The following CUBN variants were observed in gnomAD, a reference collection of about 807,000 sequenced individuals.
The protein encoded by CUBN is cubilin, also known as 460 kDa receptor.
CUBN carries 282 observed loss-of-function variants against 405.3 expected under a neutral mutation model. The observed-to-expected ratio is 0.70, with a 90% CI of 0.63 to 0.77. The LOEUF is 0.77. Ranked by LOEUF, CUBN falls within the 30% of genes least tolerant of loss-of-function variation. The pLI is 0.00. For synonymous variants in CUBN, 1,684 were observed against 1,617.0 expected, an observed-to-expected ratio of 1.04 and a Z score of -0.99; for missense variants, 4,514 against 4,475.2, an observed-to-expected ratio of 1.01 and a Z score of -0.25.
At chr10:16,967,933 G>C (rs1843447279) in intron 31 of CUBN, among the ~76,000 whole-genome samples, 1 of 149,486 alleles carries the variant, frequency 6.7e-6, no homozygotes, top group African/African-American at 2.5e-5. Context: ...GAGGGAGAGA[G>C]AGCAAGAGGA....
intron 24 of CUBN, 60 bp from the exon 25 acceptor site, chr10:17,045,248 T>C: frequency 6.6e-7 from 1 of 1,519,454 alleles, no homozygotes; most frequent in Non-Finnish European, 9.1e-7. Context: ...ATTGAATCTT[T>C]TTGTCTGCAT....
chr10:16,849,960 G>T (rs925850665), intron 60 of CUBN, among the ~76,000 whole-genome samples: 2 of 152,156 alleles, frequency 1.3e-5, no homozygotes, highest in African/African-American at 2.4e-5. Context: ...ATTTCTCTAT[G>T]TAGGCCATCT....
chr10:16,909,296 T>C (rs1419244412), intron 48 of CUBN, among the ~76,000 whole-genome samples: 1 of 152,198 alleles, frequency 6.6e-6, no homozygotes, highest in Admixed American at 6.5e-5. Context: ...TGCTATCATT[T>C]ACTGAGCAGA....
At chr10:17,126,828 T>A (rs368762141) in intron 3 of CUBN, 29 bp from the exon 4 acceptor site, 53 of 1,613,618 alleles carry the variant, frequency 3.3e-5, no homozygotes, top group Non-Finnish European at 4.2e-5. Context: ...AAGCTTCAGT[T>A]AGCTGGTTCA....
intron 28 of CUBN, among the ~76,000 whole-genome samples, chr10:17,015,991 C>A (rs182356940): frequency 1.2e-4 from 19 of 152,228 alleles, no homozygotes; most frequent in Admixed American, 2.0e-4. Flanking sequence ...TATAGAACAC[C>A]GAGGTTACCA....
rs771060346 is a variant in CUBN, at chr10:16,840,379, G to T, written c.9983C>A (p.Thr3328Asn). The change falls in exon 62 of 67, where the codon ACC becomes AAC. Residue 3328 changes from threonine to asparagine, a missense_variant. Coordinates refer to ENST00000377833, the MANE Select transcript of CUBN (RefSeq NM_001081.4). ...VKITVWALQL[T>N]SQDCTQNYLQ... ...GTAATTCTGCGTGCAGTCTTGCGAG[G>T]TCAGCTGTAATGCCCACACAGTTAT... The T allele has an allele frequency of 6.2e-7, 1 of 1,614,136 alleles. No homozygotes were observed. Among genetic ancestry groups the T allele is most frequent in the South Asian group, 1.1e-5 (1 of 91,072 alleles).
At chr10:17,018,693 C>T (rs991458910) in intron 28 of CUBN, among the ~76,000 whole-genome samples, 2 of 152,048 alleles carry the variant, frequency 1.3e-5, no homozygotes, top group Admixed American at 1.3e-4. Context: ...CTGATTGGTC[C>T]ATTTTACAGA....
At chr10:17,075,005 T>G (rs542958521) in intron 17 of CUBN, among the ~76,000 whole-genome samples, 2 of 151,442 alleles carry the variant, frequency 1.3e-5, no homozygotes, top group Non-Finnish European at 2.9e-5. Context: ...AGCGGAGACT[T>G]GAAAGCTGAG....
chr10:16,927,319 A>C (rs1842220859), intron 41 of CUBN, among the ~76,000 whole-genome samples: 1 of 152,162 alleles, frequency 6.6e-6, no homozygotes, highest in Non-Finnish European at 1.5e-5. Flanking sequence ...AAGGGCAGAC[A>C]TCTCACACAG....
chr10:16,977,751 C>G (rs887161890), intron 31 of CUBN, among the ~76,000 whole-genome samples: 5 of 152,160 alleles, frequency 3.3e-5, no homozygotes, highest in Admixed American at 6.5e-5. Flanking sequence ...AGGCACCCAC[C>G]CCTAGATGCT....
intron 56 of CUBN, among the ~76,000 whole-genome samples, chr10:16,888,109 C>T (rs971946094): frequency 1.3e-5 from 2 of 152,194 alleles, no homozygotes; most frequent in Non-Finnish European, 1.5e-5. Context: ...ATATATTGGT[C>T]ACAGGATACA....
intron 59 of CUBN, among the ~76,000 whole-genome samples, chr10:16,865,383 T>G (rs1041600917): frequency 6.6e-6 from 1 of 152,154 alleles, no homozygotes; most frequent in African/African-American, 2.4e-5. Context: ...CTGACCTTAA[T>G]GCAACCTGAC....
chr10:17,068,493 G>T, intron 20 of CUBN, 112 bp downstream of exon 20: 1 of 1,013,614 alleles, frequency 9.9e-7, no homozygotes, highest in Non-Finnish European at 1.5e-6. Flanking sequence ...GTCTTTGAGT[G>T]TACTTTAAAA....
chr10:17,018,648 C>A (rs1467331601), intron 28 of CUBN, among the ~76,000 whole-genome samples: 1 of 152,118 alleles, frequency 6.6e-6, no homozygotes, highest in East Asian at 1.9e-4. Flanking sequence ...GGGTGGCCAG[C>A]TTTTATTCCC....
At chr10:16,963,118 T>C (rs1173911424) in intron 31 of CUBN, among the ~76,000 whole-genome samples, 1 of 151,938 alleles carries the variant, frequency 6.6e-6, no homozygotes, top group Non-Finnish European at 1.5e-5. Flanking sequence ...TGATTACAAG[T>C]ATGAAGGTAA....
chr10:17,102,391 A>C (rs1392566445), intron 13 of CUBN, among the ~76,000 whole-genome samples: 3 of 151,468 alleles, frequency 2.0e-5, no homozygotes, highest in African/African-American at 7.3e-5. Flanking sequence ...AGCTCAAGTG[A>C]TTCTCCTGCC....
intron 60 of CUBN, among the ~76,000 whole-genome samples, chr10:16,846,749 T>C (rs1277526813): frequency 6.7e-6 from 1 of 149,976 alleles, no homozygotes; most frequent in East Asian, 2.0e-4. Flanking sequence ...GAGGCAGAGG[T>C]TGCAGTAAGC....
chr10:16,851,468 A>G, intron 59 of CUBN, 25 bp from the exon 60 acceptor site: 1 of 1,605,556 alleles, frequency 6.2e-7, no homozygotes, highest in African/African-American at 1.3e-5. Context: ...AGACATCACT[A>G]TGCAGACCAA....
At chr10:16,942,842 G>A in intron 36 of CUBN, among the ~76,000 whole-genome samples, 1 of 136,190 alleles carries the variant, frequency 7.3e-6, no homozygotes, top group East Asian at 2.1e-4. Flanking sequence ...AAGGGAAGGG[G>A]GAAGGGGAAG....
Sources: gnomAD v4.1 joint callset for allele counts (sites outside exome capture counted in the v4.1 genomes callset) on GRCh38, gnomAD v4.1.1 for gene constraint, MANE v1.5 for transcripts, NCBI Gene and HGNC (gene_info 2026-07-23, HGNC 2026-07-21) for gene names.